Variants in PTPRD observed in about 807,000 individuals in gnomAD.
PTPRD encodes protein tyrosine phosphatase receptor type D.
Under a neutral mutation model 214.5 loss-of-function variants are expected in PTPRD, and 34 were observed. The ratio of observed to expected loss-of-function variants is 0.16; its 90% CI spans 0.12 to 0.21. PTPRD has a LOEUF of 0.21. PTPRD is among the 10% of genes least tolerant of loss of function. The pLI is 1.00. For synonymous variants in PTPRD, 1,128 were observed against 845.7 expected, an observed-to-expected ratio of 1.33 and a Z score of -5.79; for missense variants, 2,545 against 2,398.7, an observed-to-expected ratio of 1.06 and a Z score of -1.27.
chr9:9,375,324 C>T (rs900220309), intron 9 of PTPRD, among the ~76,000 whole-genome samples: 2 of 152,026 alleles, frequency 1.3e-5, no homozygotes, highest in East Asian at 1.9e-4. Flanking sequence ...AATGGCTGGG[C>T]GCAGTGGCTC....
chr9:8,425,148 A>G (rs2094579383), intron 35 of PTPRD, among the ~76,000 whole-genome samples: 2 of 152,184 alleles, frequency 1.3e-5, no homozygotes, highest in South Asian at 2.1e-4. Flanking sequence ...TTAAATACAT[A>G]AATAAGTAAA....
intron 5 of PTPRD, among the ~76,000 whole-genome samples, chr9:9,769,084 G>A (rs2098730069): frequency 6.6e-6 from 1 of 151,920 alleles, no homozygotes; most frequent in Non-Finnish European, 1.5e-5. Flanking sequence ...GCTAATATTA[G>A]GAGGAAATAA....
In PTPRD at chr9:9,758,704, C is replaced by T. The variant is rs76878148; in HGVS notation, c.-326+8106G>A. Among the ~76,000 whole-genome samples, 5,369 of 151,636 alleles carry T rather than the reference C, an allele frequency of 0.035. 525 individuals are homozygous for T. In the East Asian group the frequency reaches 0.37, roughly 11 times the overall value. On this transcript the variant is annotated intron_variant, in intron 6 of 45. Transcript: ENST00000381196. ...AGAAAAAGACATGAGAAAGCAAGGA[C>T]GCTCCAGAACCTCTTACCATTCCCT... is the stretch of plus-strand genomic sequence containing the variant.
intron 10 of PTPRD, among the ~76,000 whole-genome samples, chr9:9,104,603 G>C (rs2099795938): frequency 6.6e-6 from 1 of 152,212 alleles, no homozygotes; most frequent in Admixed American, 6.5e-5. Flanking sequence ...AGTGCTGTAA[G>C]AACCATGTTG....
chr9:8,790,023 T>A (rs1566078656), intron 11 of PTPRD, among the ~76,000 whole-genome samples: 1 of 152,154 alleles, frequency 6.6e-6, no homozygotes, highest in Non-Finnish European at 1.5e-5. Context: ...TACTTGCCTT[T>A]TTCTTTTTTT....
intron 11 of PTPRD, among the ~76,000 whole-genome samples, chr9:8,972,798 T>A (rs1368677): frequency 0.49 from 74,052 of 151,646 alleles, 18,580 homozygotes; most frequent in East Asian, 0.76. Context: ...TGAATGGAAA[T>A]CTACCAAGGT....
chr9:10,457,810 T>C (rs1352778863), intron 2 of PTPRD, among the ~76,000 whole-genome samples: 2 of 152,056 alleles, frequency 1.3e-5, no homozygotes, highest in East Asian at 1.9e-4. Flanking sequence ...TAAATTTGCA[T>C]ACCTTTTTTG....
At chr9:10,445,371 T>C (rs1182454678) in intron 2 of PTPRD, among the ~76,000 whole-genome samples, 2 of 151,904 alleles carry the variant, frequency 1.3e-5, no homozygotes, top group African/African-American at 4.8e-5. Flanking sequence ...AGAGAGAAGC[T>C]GGAAACAGGG....
intron 8 of PTPRD, among the ~76,000 whole-genome samples, chr9:9,472,204 TTTC>T (rs1200368244): frequency 3.0e-5 from 3 of 98,474 alleles, no homozygotes; most frequent in African/African-American, 6.9e-5. Context: ...TTTTTTTTTT[TTTC>T]TTTTTTTGAG....
intron 9 of PTPRD, among the ~76,000 whole-genome samples, chr9:9,344,210 A>C (rs938818684): frequency 3.9e-5 from 6 of 152,116 alleles, no homozygotes; most frequent in Non-Finnish European, 7.4e-5. Flanking sequence ...CATCATCCTC[A>C]ACAAACTAAC....
chr9:8,340,408 G>T lies in PTPRD; in HGVS notation c.5188C>A (p.Arg1730=). 5 of 1,610,134 alleles carry T rather than the reference G, an allele frequency of 3.1e-6. No individual in the cohort carries two copies. Among genetic ancestry groups the T allele is most frequent in the Non-Finnish European group, 4.2e-6 (5 of 1,177,260 alleles). ...GTGGAATTGTGTTCCCAGAGCATCC[G>T]CCAGAAGTCTTCAGTGGTCTCTGCC... ...PLAETTEDFW[R]MLWEHNSTIV... The change falls in exon 42 of 46, where the codon CGG becomes AGG. Residue 1730 remains arginine (R), a synonymous_variant. Transcript: ENST00000381196.
At chr9:8,698,148 T>C (rs1009670086) in intron 12 of PTPRD, among the ~76,000 whole-genome samples, 17 of 152,236 alleles carry the variant, frequency 1.1e-4, no homozygotes, top group Admixed American at 2.0e-4. Context: ...ACTCAAAAAA[T>C]GAGGATCAAA....
At chr9:9,081,017 T>C (rs2099758248) in intron 10 of PTPRD, among the ~76,000 whole-genome samples, 1 of 152,130 alleles carries the variant, frequency 6.6e-6, no homozygotes, top group Non-Finnish European at 1.5e-5. Context: ...TGATCTTAGT[T>C]ATTTCTTTTC....
At chr9:8,763,664 G>A (rs1476893953) in intron 11 of PTPRD, among the ~76,000 whole-genome samples, 5 of 149,426 alleles carry the variant, frequency 3.3e-5, no homozygotes, top group Non-Finnish European at 5.9e-5. Flanking sequence ...AGAAAGTGAT[G>A]TTCCCTAAAA....
chr9:10,168,271 T>TA (rs2099171513), intron 3 of PTPRD, among the ~76,000 whole-genome samples: 1 of 152,166 alleles, frequency 6.6e-6, no homozygotes, highest in Non-Finnish European at 1.5e-5. Context: ...ATTGAGATAT[T>TA]TACTAAGTCA....
At chr9:10,347,755 GC>G (rs1167277755) in intron 2 of PTPRD, among the ~76,000 whole-genome samples, 1 of 151,706 alleles carries the variant, frequency 6.6e-6, no homozygotes, top group Non-Finnish European at 1.5e-5. Context: ...TTATTTGCTA[GC>G]TATTTTGAAA....
chr9:9,014,748 T>C (rs1236553382), intron 11 of PTPRD, among the ~76,000 whole-genome samples: 1 of 152,196 alleles, frequency 6.6e-6, no homozygotes, highest in East Asian at 1.9e-4. Context: ...GAGCCTCTAA[T>C]TTCTGAAGTA....
chr9:9,163,556 T>C (rs2099894873), intron 10 of PTPRD, among the ~76,000 whole-genome samples: 2 of 152,030 alleles, frequency 1.3e-5, no homozygotes, highest in Non-Finnish European at 2.9e-5. Flanking sequence ...GGTTGCCATC[T>C]CTTCCTAATT....
intron 12 of PTPRD, among the ~76,000 whole-genome samples, chr9:8,675,538 CAAAAAA>C (rs61509653): frequency 8.1e-5 from 4 of 49,112 alleles, no homozygotes; most frequent in Non-Finnish European, 1.0e-4. Flanking sequence ...CACACACACA[CAAAAAA>C]AAAAAAAAAA....
Sources: allele counts gnomAD v4.1 joint callset (sites outside exome capture counted in the v4.1 genomes callset), GRCh38; gene constraint gnomAD v4.1.1; transcripts MANE v1.5; gene names NCBI Gene and HGNC (gene_info 2026-07-23, HGNC 2026-07-21).